The following GLI3 variants were observed in gnomAD, a reference collection of about 807,000 sequenced individuals.
GLI3 encodes the protein GLI family zinc finger 3.
GLI3 carries 20 observed loss-of-function variants against 100.8 expected under a neutral mutation model. The ratio of observed to expected loss-of-function variants is 0.20; its 90% CI spans 0.14 to 0.29. The LOEUF (loss-of-function observed/expected upper bound fraction) is 0.29. GLI3 is among the 10% of genes least tolerant of loss of function. The probability of loss-of-function intolerance (pLI) is 1.00; values close to 1 mark genes in which losing one functional copy is unlikely to be tolerated. For missense variants in GLI3, 2,040 were observed against 2,128.5 expected (o/e 0.96, Z 0.82); for synonymous variants, 938 against 860.5 (o/e 1.09, Z -1.58).
chr7:42,257,384 C>G (rs1182686195), intron 1 of GLI3, among the ~76,000 whole-genome samples: 4 of 136,944 alleles, frequency 2.9e-5, no homozygotes, highest in Non-Finnish European at 3.1e-5. Flanking sequence ...GAGACGGAGT[C>G]TCGCTCTGTC....
chr7:42,071,026 A>T (rs967776358), intron 4 of GLI3, among the ~76,000 whole-genome samples: 9 of 152,186 alleles, frequency 5.9e-5, no homozygotes, highest in African/African-American at 2.2e-4. Context: ...ACACACTCAA[A>T]CAGAAACAAA....
chr7:42,126,488 A>T (rs914880375), intron 3 of GLI3, among the ~76,000 whole-genome samples: 2 of 152,228 alleles, frequency 1.3e-5, no homozygotes, highest in Non-Finnish European at 2.9e-5. Context: ...CTAAAGAAAA[A>T]TCTGATCAGA....
At chr7:42,017,862 C>T (rs896531630) in intron 10 of GLI3, among the ~76,000 whole-genome samples, 6 of 152,200 alleles carry the variant, frequency 3.9e-5, no homozygotes, top group Admixed American at 2.0e-4. Context: ...GTGACCTCTT[C>T]GAGACCCTCT....
intron 4 of GLI3, among the ~76,000 whole-genome samples, chr7:42,052,284 T>C (rs140862338): frequency 7.3e-4 from 111 of 152,264 alleles, no homozygotes; most frequent in Non-Finnish European, 9.4e-4. Flanking sequence ...TGTGTCCAGG[T>C]TTTTTGTGTG....
rs75977722 is a variant in GLI3 at position 42,155,835 on chromosome 7, A to T, written c.125-7367T>A. ...AAGCTGCCTCCTGTATTTTTTTTTT[A>T]AAAAGATAATGACAATGATGAGCAG... On this transcript the variant is annotated intron_variant, in intron 2 of 14. Transcript: ENST00000395925. Among the ~76,000 whole-genome samples, 1,490 of 151,916 alleles carry T rather than the reference A, an allele frequency of 9.8e-3. 12 individuals carry two copies. The highest frequency in any genetic ancestry group is 0.015 in the Non-Finnish European group (1,013 of 67,922).
intron 3 of GLI3, among the ~76,000 whole-genome samples, chr7:42,122,305 T>TA (rs1448132971): frequency 1.3e-5 from 2 of 151,782 alleles, no homozygotes; most frequent in Non-Finnish European, 2.9e-5. Context: ...CCTAATCACA[T>TA]AAAATCAGAT....
chr7:41,979,194 C>A (rs144749280), intron 10 of GLI3, among the ~76,000 whole-genome samples: 1 of 152,174 alleles, frequency 6.6e-6, no homozygotes, highest in Non-Finnish European at 1.5e-5. Context: ...GGGTTAGCAC[C>A]GCGGCTTAGG....
chr7:42,177,030 T>G (rs1182869853), intron 2 of GLI3, among the ~76,000 whole-genome samples: 1 of 152,228 alleles, frequency 6.6e-6, no homozygotes, highest in Non-Finnish European at 1.5e-5. Flanking sequence ...CATCCCTGTC[T>G]AATTCACCTA....
At chr7:42,162,115 A>C (rs529389360) in intron 2 of GLI3, among the ~76,000 whole-genome samples, 1 of 152,334 alleles carries the variant, frequency 6.6e-6, no homozygotes, top group African/African-American at 2.4e-5. Context: ...CAGAGGCTAC[A>C]GGGTTAACAC....
At chr7:42,073,911 T>C (rs1301775703) in intron 4 of GLI3, among the ~76,000 whole-genome samples, 4 of 152,242 alleles carry the variant, frequency 2.6e-5, no homozygotes, top group African/African-American at 9.6e-5. Context: ...GAAGTGATTT[T>C]ACTTTCCCAG....
At chr7:42,240,094 A>C (rs1021374608), upstream of GLI3, among the ~76,000 whole-genome samples, 1 of 152,188 alleles carries the variant, frequency 6.6e-6, no homozygotes, top group Non-Finnish European at 1.5e-5. Context: ...AGACACCCAG[A>C]AAGACAATGC....
chr7:42,201,075 T>G (rs761768761), intron 2 of GLI3, among the ~76,000 whole-genome samples: 2 of 152,196 alleles, frequency 1.3e-5, no homozygotes, highest in Non-Finnish European at 2.9e-5. Context: ...ACTAAGTTTT[T>G]TCTTATAAAT....
At position 42,034,187 on chromosome 7, in the gene GLI3, T is replaced by C. The variant is rs569487777; in HGVS notation, c.1028+5851A>G. Among the ~76,000 whole-genome samples, 4 of 152,322 alleles carry C rather than the reference T, an allele frequency of 2.6e-5. No homozygotes were observed. In the East Asian group the frequency reaches 7.7e-4, roughly 29 times the overall value. On this transcript the variant is annotated intron_variant, in intron 7 of 14. Coordinates refer to ENST00000395925, the MANE Select transcript of GLI3 (RefSeq NM_000168.6). ...TCTTCAAAATATCATCAGGTATTAT[T>C]ATTTCTATTATAAATAGCATTTCCC... is the stretch of plus-strand genomic sequence containing the variant.
At position 42,066,668 on chromosome 7, in the gene GLI3, T is replaced by A. The variant is rs577788405; in HGVS notation, c.473+10084A>T. Among the ~76,000 whole-genome samples the A allele has an allele frequency of 7.2e-4, 109 of 152,236 alleles. 1 individual carries two copies. The highest frequency in any genetic ancestry group is 6.8e-3 in the Middle Eastern group (2 of 294). On this transcript the variant is annotated intron_variant, in intron 4 of 14. Coordinates refer to ENST00000395925, the MANE Select transcript of GLI3 (RefSeq NM_000168.6). ...TCTCTCTCACAAACAGTATACAACA[T>A]CCACAACCGTGCAGCTATTCAATTG...
chr7:42,051,654 A>C (rs930994518), intron 4 of GLI3, among the ~76,000 whole-genome samples: 9 of 152,204 alleles, frequency 5.9e-5, no homozygotes, highest in African/African-American at 1.7e-4. Context: ...CAAATATTGA[A>C]ATATTAAGAC....
At chr7:42,243,844 T>C (rs1036370475) in intron 1 of GLI3, among the ~76,000 whole-genome samples, 1 of 152,142 alleles carries the variant, frequency 6.6e-6, no homozygotes, top group Non-Finnish European at 1.5e-5. Context: ...TTGTTGTTGT[T>C]GTTGTTTGAG....
At chr7:42,200,805 GA>G (rs35456550) in intron 2 of GLI3, among the ~76,000 whole-genome samples, 23 of 149,544 alleles carry the variant, frequency 1.5e-4, no homozygotes, top group African/African-American at 3.7e-4. Context: ...AAACTTTTCA[GA>G]AAAAAAAAAT....
At chr7:42,073,450 T>C (rs1784821936) in intron 4 of GLI3, among the ~76,000 whole-genome samples, 1 of 152,250 alleles carries the variant, frequency 6.6e-6, no homozygotes, top group Non-Finnish European at 1.5e-5. Flanking sequence ...GGTTAATTTG[T>C]GATTTCCTCT....
At chr7:42,194,776 T>TTTTTTTTG (rs1787895021) in intron 2 of GLI3, among the ~76,000 whole-genome samples, 2 of 148,960 alleles carry the variant, frequency 1.3e-5, no homozygotes, top group Admixed American at 6.7e-5. Flanking sequence ...TTTTTTTTTT[T>TTTTTTTTG]GGAGTCGGAG....
Sources: gnomAD v4.1 joint callset for allele counts (sites outside exome capture counted in the v4.1 genomes callset) on GRCh38, gnomAD v4.1.1 for gene constraint, MANE v1.5 for transcripts, NCBI Gene and HGNC (gene_info 2026-07-23, HGNC 2026-07-21) for gene names.